Variants in BRF1 observed in about 807,000 individuals in gnomAD.
BRF1 encodes transcription factor IIIB 90 kDa subunit.
A neutral mutation model predicts 81.7 loss-of-function variants in BRF1; 59 were observed. The observed-to-expected ratio is 0.72, with a 90% CI of 0.59 to 0.90. The LOEUF (loss-of-function observed/expected upper bound fraction) is 0.90, where lower values mean the gene tolerates loss of function less well. Among genes scored for constraint, BRF1 ranks in the 40% least tolerant of loss-of-function variants. The probability of loss-of-function intolerance (pLI) is 0.00; values close to 1 mark genes in which losing one functional copy is unlikely to be tolerated. For synonymous variants in BRF1, 491 were observed against 395.6 expected, an observed-to-expected ratio of 1.24 and a Z score of -2.86; for missense variants, 1,050 against 936.3, an observed-to-expected ratio of 1.12 and a Z score of -1.58.
At position 105,261,084 on chromosome 14, in the gene BRF1, A is replaced by G. The variant is rs587639246; in HGVS notation, c.440-4535T>C. Reference sequence around the variant, plus strand: ...GGGAATCAGAAAAAAGTCTGCAGAGAAGAGGCCCTGTCTGCGGCCCCCAGG... The same window carrying G: ...GGGAATCAGAAAAAAGTCTGCAGAGGAGAGGCCCTGTCTGCGGCCCCCAGG... On this transcript the variant is annotated intron_variant, in intron 3 of 17. Transcript: ENST00000547530. Among the ~76,000 whole-genome samples, 5 of 152,318 alleles carry G rather than the reference A, an allele frequency of 3.3e-5. No homozygotes were observed. The East Asian group carries it at 9.7e-4, about 29-fold the overall frequency.
intron 2 of BRF1, among the ~76,000 whole-genome samples, chr14:105,285,470 G>C (rs1270304901): frequency 1.3e-5 from 2 of 152,248 alleles, no homozygotes; most frequent in African/African-American, 2.4e-5. Flanking sequence ...GTGCAGGAGT[G>C]AAGGCAGGCC....
chr14:105,248,369 C>T, intron 5 of BRF1: 4 of 985,488 alleles, frequency 4.1e-6, no homozygotes, highest in Non-Finnish European at 4.8e-6. Context: ...CACTGCGGGT[C>T]TGGGGGCGGC....
intron 5 of BRF1, chr14:105,250,016 A>AC: frequency 6.2e-7 from 1 of 1,612,766 alleles, no homozygotes; most frequent in Non-Finnish European, 8.5e-7. Flanking sequence ...GCTGCCAATC[A>AC]CCCCACGAAA....
intron 1 of BRF1, among the ~76,000 whole-genome samples, chr14:105,299,386 C>T (rs746274583): frequency 6.6e-6 from 1 of 152,014 alleles, no homozygotes; most frequent in Non-Finnish European, 1.5e-5. Flanking sequence ...GCCTGGGCAA[C>T]ATAGAGACCT....
intron 8 of BRF1, 141 bp downstream of exon 8, chr14:105,226,493 G>C (rs116370012): frequency 6.7e-7 from 1 of 1,498,900 alleles, no homozygotes; most frequent in Non-Finnish European, 9.0e-7. Context: ...CCGGAGCCTC[G>C]GGCTCTGGCT....
chr14:105,311,097 C>T (rs587747210), intron 1 of BRF1, among the ~76,000 whole-genome samples: 44 of 151,832 alleles, frequency 2.9e-4, no homozygotes, highest in Admixed American at 6.6e-4. Flanking sequence ...GGATTACAGG[C>T]GCGCACCATC....
intron 5 of BRF1, chr14:105,241,888 C>T (rs1163979526): frequency 1.9e-5 from 4 of 209,322 alleles, no homozygotes; most frequent in South Asian, 8.0e-5. Context: ...GGCGGTGCCA[C>T]GGGGGCTGTG....
At chr14:105,216,114 C>T (rs971326865) in intron 15 of BRF1, among the ~76,000 whole-genome samples, 1 of 152,158 alleles carries the variant, frequency 6.6e-6, no homozygotes, top group Non-Finnish European at 1.5e-5. Flanking sequence ...CAGGCACACA[C>T]TGCATGCACA....
At chr14:105,212,040 C>A in intron 16 of BRF1, 73 bp downstream of exon 16, 1 of 1,573,538 alleles carries the variant, frequency 6.4e-7, no homozygotes, top group Non-Finnish European at 8.6e-7. Context: ...GGTCACAGAC[C>A]AAGCATCTGG....
intron 15 of BRF1, among the ~76,000 whole-genome samples, chr14:105,213,630 C>T (rs1371577403): frequency 1.3e-5 from 2 of 152,080 alleles, no homozygotes; most frequent in Non-Finnish European, 2.9e-5. Flanking sequence ...GACACACCCT[C>T]CCTCCCCCAC....
At chr14:105,300,400 T>A (rs1466300018) in intron 1 of BRF1, 46 bp downstream of exon 1, 2 of 1,476,296 alleles carry the variant, frequency 1.4e-6, no homozygotes, top group Non-Finnish European at 1.8e-6. Flanking sequence ...CCAGCCCGCC[T>A]AAGCCGCACC....
chr14:105,229,539 G>A (rs587648130), intron 6 of BRF1, among the ~76,000 whole-genome samples: 27 of 152,308 alleles, frequency 1.8e-4, no homozygotes, highest in Admixed American at 1.2e-3. Flanking sequence ...ACCAGGCCAC[G>A]GCCACATCCA....
At chr14:105,314,272 CA>C (rs1277018593) in intron 1 of BRF1, 3 of 145,268 alleles carry the variant, frequency 2.1e-5, no homozygotes, top group Non-Finnish European at 4.6e-5. Context: ...GCGGCGAGGG[CA>C]GGGGGGCGGG....
chr14:105,249,836 T>C, intron 5 of BRF1: 1 of 1,613,392 alleles, frequency 6.2e-7, no homozygotes, highest in Non-Finnish European at 8.5e-7. Context: ...GCAGCGCTGC[T>C]GGGAGGTCAT....
At chr14:105,263,781 C>T (rs765854680) in intron 3 of BRF1, among the ~76,000 whole-genome samples, 3 of 151,976 alleles carry the variant, frequency 2.0e-5, no homozygotes, top group Admixed American at 6.5e-5. Flanking sequence ...AAAAATCAGC[C>T]GGATGTGGTG....
chr14:105,245,984 T>C (rs2055070347), intron 5 of BRF1, among the ~76,000 whole-genome samples: 1 of 152,224 alleles, frequency 6.6e-6, no homozygotes, highest in Admixed American at 6.5e-5. Context: ...AATGATATCC[T>C]ATAGAATGGA....
intron 16 of BRF1, chr14:105,211,694 G>C (rs921255987): frequency 9.1e-6 from 3 of 331,176 alleles, no homozygotes; most frequent in Non-Finnish European, 1.7e-5. Context: ...CCCAGCCCCC[G>C]CCACCTGCCA....
Position 105,276,024 on chromosome 14 carries a change from T to C in BRF1, c.266-3130A>G, listed in dbSNP as rs71423836. On this transcript the variant is annotated intron_variant, in intron 2 of 17. Transcript: ENST00000547530. The stretch of plus-strand genomic sequence containing the variant: ...GGAGGAGGCCACAGTGAGAAGGAGC[T>C]GAGAGGCGGCCCTCACTAGAGAGCT... Among the ~76,000 whole-genome samples the C allele has an allele frequency of 8.8e-4, 68 of 77,016 alleles. 2 individuals carry two copies. Among genetic ancestry groups the C allele is most frequent in the South Asian group, 5.3e-3 (9 of 1,694 alleles). 50.5% of individuals were successfully genotyped at this position (77,016 alleles called of 152,430 possible).
chr14:105,241,317 C>T lies in BRF1; in HGVS notation c.642G>A (p.Met214Ile). The change falls in exon 6 of 18, where the codon ATG becomes ATA. Residue 214 changes from methionine to isoleucine, a missense_variant. Physicochemically the swap from Met to Ile is conservative, Grantham distance 10. Coordinates refer to ENST00000547530, the MANE Select transcript of BRF1 (RefSeq NM_001519.4). ...SMTALRLLQR[M>I]KRDWMHTGRR... is the part of the protein sequence containing the mutation. Reference sequence around the variant, plus strand: ...GGCCTGTGTGCATCCAGTCCCGCTTCATCCTCTGTAGGAGCCTCAGGGCAG... The same window carrying T: ...GGCCTGTGTGCATCCAGTCCCGCTTTATCCTCTGTAGGAGCCTCAGGGCAG... 2.5e-6 allele frequency: 4 copies of T among 1,612,746 alleles called. No individual in the cohort carries two copies. The highest frequency in any genetic ancestry group is 1.7e-4 in the Middle Eastern group (1 of 6,052).
Sources: allele counts gnomAD v4.1 joint callset (sites outside exome capture counted in the v4.1 genomes callset), GRCh38; gene constraint gnomAD v4.1.1; transcripts MANE v1.5; gene names NCBI Gene and HGNC (gene_info 2026-07-23, HGNC 2026-07-21).